NAPA: variants seen among roughly 807,000 people sequenced by gnomAD.
NAPA encodes alpha-soluble NSF attachment protein.
In NAPA, 18 loss-of-function variants were observed where a neutral mutation model predicts 48.0. The observed-to-expected ratio is 0.38, with a 90% CI of 0.26 to 0.56. NAPA has a LOEUF of 0.56. Ranked by LOEUF, NAPA falls within the 20% of genes least tolerant of loss-of-function variation. NAPA has a pLI of 0.77. For missense variants in NAPA, 315 were observed against 385.0 expected (o/e 0.82, Z 1.52); for synonymous variants, 152 against 149.9 (o/e 1.01, Z -0.10).
intron 1 of NAPA, 112 bp from the exon 2 acceptor site, chr19:47,503,614 C>T: frequency 1.0e-6 from 1 of 996,952 alleles, no homozygotes; most frequent in South Asian, 1.3e-5. Flanking sequence ...CACCCTTCAC[C>T]TGTGAAGCCA....
At chr19:47,490,561 T>TC (rs1968234842) in intron 9 of NAPA, among the ~76,000 whole-genome samples, 1 of 151,262 alleles carries the variant, frequency 6.6e-6, no homozygotes, top group African/African-American at 2.4e-5. Context: ...GTGTAGTGTG[T>TC]GTGTGTGTGT....
intron 2 of NAPA, among the ~76,000 whole-genome samples, chr19:47,501,855 G>C (rs1015132845): frequency 1.3e-5 from 2 of 152,190 alleles, no homozygotes; most frequent in African/African-American, 4.8e-5. Context: ...CAGGAGGCCT[G>C]GCCCTATCCT....
intron 1 of NAPA, among the ~76,000 whole-genome samples, chr19:47,512,478 A>G (rs1396513469): frequency 6.6e-6 from 1 of 152,138 alleles, no homozygotes; most frequent in Non-Finnish European, 1.5e-5. Context: ...CCAATCAGGT[A>G]GCAAATGCCT....
intron 9 of NAPA, 87 bp from the exon 10 acceptor site, chr19:47,489,848 G>A (rs1234701030): frequency 1.4e-6 from 2 of 1,417,044 alleles, no homozygotes; most frequent in Non-Finnish European, 2.0e-6. Context: ...CTATCTGTAT[G>A]CCAGGCCTGG....
At chr19:47,502,237 C>CAAAAAAAA (rs55762206) in intron 2 of NAPA, among the ~76,000 whole-genome samples, 2 of 62,454 alleles carry the variant, frequency 3.2e-5, no homozygotes, top group Non-Finnish European at 5.3e-5. Flanking sequence ...AAGACTGTCT[C>CAAAAAAAA]AAAAAAAAAA....
intron 4 of NAPA, among the ~76,000 whole-genome samples, chr19:47,494,789 C>T (rs1052053076): frequency 2.6e-5 from 4 of 151,668 alleles, no homozygotes; most frequent in Admixed American, 6.6e-5. Context: ...ACAGGAGCCC[C>T]GGCCTGGGTG....
intron 3 of NAPA, among the ~76,000 whole-genome samples, chr19:47,498,617 C>T (rs1025998711): frequency 6.6e-6 from 1 of 152,172 alleles, no homozygotes; most frequent in Non-Finnish European, 1.5e-5. Context: ...CAGGATCTCA[C>T]TATGTTGTCC....
chr19:47,495,378 C>G, intron 4 of NAPA, 172 bp downstream of exon 4: 1 of 706,334 alleles, frequency 1.4e-6, no homozygotes. Context: ...GGGTGAAGAC[C>G]CAGCCAGCCC....
In NAPA at chr19:47,514,865, A is replaced by T; in HGVS notation, c.76T>A (p.Ser26Thr). 6.2e-7 allele frequency: 1 copy of T among 1,614,030 alleles called. No individual in the cohort carries two copies. ...EAERKVKNSQ[S>T]FFSGLFGGSS... Reference sequence around the variant, plus strand: ...CACCCAAAGAGGCCAGAGAAGAAGGACTGCGAGTTCTTCACTTTGCGCTCC... The same window carrying T: ...CACCCAAAGAGGCCAGAGAAGAAGGTCTGCGAGTTCTTCACTTTGCGCTCC... Residue 26 changes from serine to threonine, a missense_variant, in exon 1 of 11, where the codon TCC becomes ACC. This residue lies in a region of NAPA where 173 missense variants were observed against 213.5 expected (regional missense o/e 0.81). Coordinates refer to ENST00000263354, the MANE Select transcript of NAPA (RefSeq NM_003827.4).
chr19:47,504,135 T>C (rs1292707062), intron 1 of NAPA, among the ~76,000 whole-genome samples: 1 of 151,966 alleles, frequency 6.6e-6, no homozygotes, highest in Non-Finnish European at 1.5e-5. Context: ...TCATGGCTCC[T>C]GTAATCCCAA....
In NAPA at chr19:47,495,846, C is replaced by G. The variant is rs1001019696; in HGVS notation, c.296-250G>C. 1.1e-5 allele frequency: 6 copies of G among 523,178 alleles called. No individual in the cohort carries two copies. The African/African-American group carries it at 1.2e-4, about 10-fold the overall frequency. 32.4% of individuals were successfully genotyped at this position (523,178 alleles called of 1,614,324 possible). ...TGCTGGGCACATGCTTCTGGGGGAG[C>G]CCTTCTCTCCTCGGGCTGCCAGGAT... On this transcript the variant is annotated intron_variant, in intron 3 of 10. Coordinates refer to ENST00000263354, the MANE Select transcript of NAPA (RefSeq NM_003827.4).
At chr19:47,492,168 A>G (rs1968287114) in intron 7 of NAPA, 49 bp from the exon 8 acceptor site, 6 of 1,541,426 alleles carry the variant, frequency 3.9e-6, no homozygotes, top group Non-Finnish European at 5.4e-6. Flanking sequence ...AAGCAGCCAG[A>G]GGGCCAGAGC....
At chr19:47,491,135 G>A (rs1968255143) in intron 8 of NAPA, 1 of 391,010 alleles carries the variant, frequency 2.6e-6, no homozygotes. Context: ...GGCTCAGCTG[G>A]GGCAGGGGAC....
rs922083285 is a variant in NAPA at position 47,506,978 on chromosome 19, G to C, written c.99-3476C>G. On this transcript the variant is annotated intron_variant, in intron 1 of 10. Coordinates refer to ENST00000263354, the MANE Select transcript of NAPA (RefSeq NM_003827.4). This position sits in a 1 kb window ranked among gnomAD's most constrained non-coding sequence, Gnocchi z 4.0. ...ATTCACATACACATTTATTCACCTG[G>C]GGAACAGGTATCCGAGCATTTATTA... 2 of 152,226 alleles carry C rather than the reference G, an allele frequency of 1.3e-5. No homozygotes were observed. Among genetic ancestry groups the C allele is most frequent in the Non-Finnish European group, 2.9e-5 (2 of 68,060 alleles). The allele number at this position is 152,226 out of a possible 1,614,324, so 9.4% of individuals were successfully genotyped here.
At position 47,503,526 on chromosome 19, in the gene NAPA, A is replaced by G. The variant is rs1481658450; in HGVS notation, c.99-24T>C. The G allele has an allele frequency of 4.4e-6, 7 of 1,607,506 alleles. No homozygotes were observed. The African/African-American group carries it at 8.0e-5, about 18-fold the overall frequency. ...CTCTGGGGAAAAAGGAAAGAAAAAA[A>G]GGAGACAATCTAGTCGGCTATCCAG... On this transcript the variant is annotated intron_variant, in intron 1 of 10. Coordinates refer to ENST00000263354, the MANE Select transcript of NAPA (RefSeq NM_003827.4).
intron 3 of NAPA, among the ~76,000 whole-genome samples, chr19:47,500,064 C>T (rs1968533126): frequency 6.6e-6 from 1 of 152,234 alleles, no homozygotes; most frequent in Non-Finnish European, 1.5e-5. Flanking sequence ...AAACTGTTTT[C>T]TCACCATGAG....
intron 2 of NAPA, among the ~76,000 whole-genome samples, chr19:47,501,070 C>T (rs1212206108): frequency 6.6e-6 from 1 of 152,172 alleles, no homozygotes; most frequent in Non-Finnish European, 1.5e-5. Flanking sequence ...CCAGGTAAAA[C>T]ACCATGTCCC....
At chr19:47,501,525 G>A (rs1014669702) in intron 2 of NAPA, 4 of 152,244 alleles carry the variant, frequency 2.6e-5, no homozygotes, top group Non-Finnish European at 5.9e-5. Context: ...ACACAGAGCC[G>A]GCTCCCTCCA....
chr19:47,509,191 G>A lies in NAPA; in HGVS notation c.98+5652C>T, dbSNP rs564693833. Among the ~76,000 whole-genome samples the A allele has an allele frequency of 2.8e-4, 42 of 152,072 alleles. No homozygotes were observed. In the South Asian group the frequency reaches 7.7e-3, roughly 28 times the overall value. ...TTGGCACAGAGCGCAGAATGGAAAA[G>A]GTGCTCAATGGTTGCTATTACACAA... On this transcript the variant is annotated intron_variant, in intron 1 of 10. Transcript: ENST00000263354.
Sources: allele counts gnomAD v4.1 joint callset (sites outside exome capture counted in the v4.1 genomes callset), GRCh38; gene constraint gnomAD v4.1.1; regional missense constraint gnomAD v4.1.1; non-coding constraint Gnocchi (gnomAD v3.1); transcripts MANE v1.5; gene names NCBI Gene and HGNC (gene_info 2026-07-23, HGNC 2026-07-21).